Variants in ANXA8 observed in about 807,000 individuals in gnomAD.
The protein encoded by ANXA8 is VAC-beta.
A neutral mutation model predicts 26.8 loss-of-function variants in ANXA8; 9 were observed. The ratio of observed to expected loss-of-function variants is 0.34; its 90% CI spans 0.20 to 0.59. The LOEUF is 0.59. ANXA8 is among the 20% of genes least tolerant of loss of function. ANXA8 has a pLI of 0.84. For missense variants in ANXA8, 83 were observed against 238.5 expected (o/e 0.35, Z 4.29); for synonymous variants, 39 against 94.8 (o/e 0.41, Z 3.42).
At chr10:47,560,143 G>C in the ANXA8 span, among the ~76,000 whole-genome samples, 1 of 151,732 alleles carries the variant, frequency 6.6e-6, no homozygotes, top group Non-Finnish European at 1.5e-5. Flanking sequence ...GAGAGGTCTG[G>C]TTCCTAATTT....
chr10:47,743,207 A>G, the ANXA8 span, among the ~76,000 whole-genome samples: 1 of 138,240 alleles, frequency 7.2e-6, no homozygotes, highest in African/African-American at 2.7e-5. Flanking sequence ...AAAAGAAAAA[A>G]ATCTCAATGC....
chr10:47,496,961 T>C, the ANXA8 span, among the ~76,000 whole-genome samples: 112 of 141,370 alleles, frequency 7.9e-4, 2 homozygotes, highest in African/African-American at 2.8e-3. Flanking sequence ...TTCCCCCTCA[T>C]AGGGGGAAAG....
chr10:47,605,601 TATAAAC>T, the ANXA8 span, among the ~76,000 whole-genome samples: 137 of 136,986 alleles, frequency 1.0e-3, no homozygotes, highest in Admixed American at 2.7e-3. Flanking sequence ...ATATAAGAAA[TATAAAC>T]ATAAACACAC....
the ANXA8 span, among the ~76,000 whole-genome samples, chr10:47,520,867 AGAG>A: frequency 1.6e-4 from 21 of 132,430 alleles, no homozygotes; most frequent in African/African-American, 6.1e-4. Context: ...AAAAAGAAGA[AGAG>A]GTAAATTTTG....
At chr10:47,686,367 T>A in the ANXA8 span, among the ~76,000 whole-genome samples, 1 of 151,370 alleles carries the variant, frequency 6.6e-6, no homozygotes, top group Admixed American at 6.6e-5. Flanking sequence ...TACAGGTGCG[T>A]GCCACCATAC....
chr10:47,559,569 T>C, the ANXA8 span, among the ~76,000 whole-genome samples: 10 of 151,900 alleles, frequency 6.6e-5, no homozygotes, highest in Non-Finnish European at 1.5e-4. Flanking sequence ...ACATTGTGTC[T>C]TATTGGAGAT....
the ANXA8 span, among the ~76,000 whole-genome samples, chr10:47,561,385 C>T: frequency 4.8e-4 from 73 of 151,710 alleles, 1 homozygote; most frequent in African/African-American, 1.7e-3. Context: ...GGATTACAAG[C>T]GTGAACTACC....
the ANXA8 span, among the ~76,000 whole-genome samples, chr10:47,566,857 C>T: frequency 7.3e-6 from 1 of 136,926 alleles, no homozygotes. Context: ...GCCCCTGCCC[C>T]CAGAGCTACC....
chr10:47,693,006 A>T, the ANXA8 span, among the ~76,000 whole-genome samples: 1 of 151,778 alleles, frequency 6.6e-6, no homozygotes, highest in Non-Finnish European at 1.5e-5. Flanking sequence ...AAATGCTAGG[A>T]TTACAAGTGT....
upstream of ANXA8, among the ~76,000 whole-genome samples, chr10:47,485,068 T>C (rs1840008830): frequency 6.6e-6 from 1 of 151,066 alleles, no homozygotes; most frequent in African/African-American, 2.4e-5. Flanking sequence ...CATTCCCTTT[T>C]GGTGCCCATC....
chr10:47,474,877 G>A lies in ANXA8; in HGVS notation c.552+68C>T, dbSNP rs1208494672. 4.0e-5 allele frequency: 61 copies of A among 1,515,834 alleles called. 5 individuals carry two copies. The highest frequency in any genetic ancestry group is 2.2e-4 in the Admixed American group (12 of 54,962). 93.9% of individuals were successfully genotyped at this position (1,515,834 alleles called of 1,614,324 possible). A position where few individuals can be genotyped will look rare whatever the true frequency, so the allele number is the denominator to read the frequency against. ...CAGCCCAGTGTCAGAGAAAGCCCCC[G>A]TGGGCAGAGGAGCCGGAGTCCAGAT... On this transcript the variant is annotated intron_variant, in intron 7 of 11. Coordinates refer to ENST00000585281, the MANE Select transcript of ANXA8 (RefSeq NM_001040084.3).
the ANXA8 span, among the ~76,000 whole-genome samples, chr10:47,942,147 TA>T: frequency 1.4e-5 from 2 of 147,184 alleles, 1 homozygote; most frequent in African/African-American, 5.2e-5. Flanking sequence ...GGGATTGTAG[TA>T]ACATTTTTGT....
At chr10:47,527,806 A>C in the ANXA8 span, among the ~76,000 whole-genome samples, 6,802 of 143,398 alleles carry the variant, frequency 0.047, 179 homozygotes, top group African/African-American at 0.11. Flanking sequence ...GTAAAGGAAG[A>C]CTTTTATTTC....
At chr10:47,488,985 G>A (rs1439159686), upstream of ANXA8, among the ~76,000 whole-genome samples, 1 of 148,046 alleles carries the variant, frequency 6.8e-6, no homozygotes, top group Non-Finnish European at 1.5e-5. Flanking sequence ...AAAGTGCTGG[G>A]ATTACAGGCG....
chr10:47,989,765 A>G, the ANXA8 span, among the ~76,000 whole-genome samples: 1 of 94,292 alleles, frequency 1.1e-5, no homozygotes, highest in Non-Finnish European at 2.7e-5. Flanking sequence ...GGCTGCCCAG[A>G]GGCCTGGGAG....
At chr10:47,488,800 T>A (rs1262939974), upstream of ANXA8, among the ~76,000 whole-genome samples, 1 of 130,412 alleles carries the variant, frequency 7.7e-6, no homozygotes, top group Admixed American at 9.3e-5. Context: ...CGATCTCGGC[T>A]CACTGCAAGC....
chr10:47,656,014 C>T, the ANXA8 span, among the ~76,000 whole-genome samples: 1 of 151,850 alleles, frequency 6.6e-6, no homozygotes, highest in East Asian at 1.9e-4. Context: ...GAGTGAAACT[C>T]AGTCTCAAAC....
the ANXA8 span, among the ~76,000 whole-genome samples, chr10:47,653,220 G>A: frequency 6.7e-6 from 1 of 150,264 alleles, no homozygotes; most frequent in Non-Finnish European, 1.5e-5. Flanking sequence ...ATTGAGGCAG[G>A]AGAATCACTT....
the ANXA8 span, among the ~76,000 whole-genome samples, chr10:47,533,149 T>C: frequency 6.7e-6 from 1 of 149,288 alleles, no homozygotes; most frequent in Admixed American, 6.7e-5. Context: ...AACAGTGGGC[T>C]TCATGCTGAA....
Sources: allele counts gnomAD v4.1 joint callset (sites outside exome capture counted in the v4.1 genomes callset), GRCh38; gene constraint gnomAD v4.1.1; transcripts MANE v1.5; gene names NCBI Gene and HGNC (gene_info 2026-07-23, HGNC 2026-07-21).